The following TET2 variants were observed in gnomAD, a reference collection of about 807,000 sequenced individuals.
TET2 encodes methylcytosine dioxygenase TET2.
A neutral mutation model predicts 142.9 loss-of-function variants in TET2; 299 were observed. That is an observed-to-expected ratio of 2.09 (90% confidence interval 1.90 to 2.30). The LOEUF is 2.30. Among genes scored for constraint, TET2 ranks in the 30% most tolerant of loss-of-function variants. The probability of loss-of-function intolerance (pLI) is 0.00; values close to 1 mark genes in which losing one functional copy is unlikely to be tolerated. For missense variants in TET2, 2,418 were observed against 2,378.0 expected (o/e 1.02, Z -0.35); for synonymous variants, 819 against 849.0 (o/e 0.96, Z 0.61).
intron 2 of TET2, among the ~76,000 whole-genome samples, chr4:105,231,817 C>A (rs1173523415): frequency 2.6e-5 from 4 of 152,012 alleles, no homozygotes; most frequent in African/African-American, 9.7e-5. Context: ...TTTTTTAGTG[C>A]CATTTCTTCT....
In TET2 at chr4:105,278,239, C is replaced by T. The variant is rs1485754003; in HGVS notation, c.*1720C>T. ...CAGAATTCACATCATGATGGTGCTACTCAGCCTGCTACAAATATATCATAA... is the reference window on the plus strand; with the variant it reads ...CAGAATTCACATCATGATGGTGCTATTCAGCCTGCTACAAATATATCATAA... On this transcript the variant is annotated 3_prime_UTR_variant, in exon 11 of 11. Transcript: ENST00000380013. 5.8e-6 allele frequency: 1 copy of T among 171,484 alleles called. No individual in the cohort carries two copies. Among genetic ancestry groups the T allele is most frequent in the African/African-American group, 2.7e-5 (1 of 37,120 alleles). The allele number at this position is 171,484 out of a possible 1,614,324, so 10.6% of individuals were successfully genotyped here.
intron 1 of TET2, among the ~76,000 whole-genome samples, chr4:105,160,336 A>G (rs1464559035): frequency 1.3e-5 from 2 of 152,180 alleles, no homozygotes; most frequent in African/African-American, 4.8e-5. Context: ...GTTGAAATAA[A>G]AAAAAAGGCA....
At chr4:105,199,434 T>G (rs1560745769) in intron 2 of TET2, among the ~76,000 whole-genome samples, 1 of 152,238 alleles carries the variant, frequency 6.6e-6, no homozygotes, top group Non-Finnish European at 1.5e-5. Flanking sequence ...AAATAAATGT[T>G]GGAGATTTTA....
Position 105,230,591 on chromosome 4 carries a change from G to A in TET2, c.-46-3306G>A, listed in dbSNP as rs533116214. On this transcript the variant is annotated intron_variant, in intron 2 of 10. Transcript: ENST00000380013. Reference sequence around the variant, plus strand: ...TTTGCATTTCTTTTTATGAGCAATAGTAGATATCTTCTTAAATACTTAAGA... The same window carrying A: ...TTTGCATTTCTTTTTATGAGCAATAATAGATATCTTCTTAAATACTTAAGA... Among the ~76,000 whole-genome samples the A allele has an allele frequency of 5.3e-5, 8 of 152,270 alleles. No individual in the cohort carries two copies. In the South Asian group the frequency reaches 1.7e-3, roughly 32 times the overall value.
At chr4:105,261,115 G>A (rs747277130) in intron 7 of TET2, among the ~76,000 whole-genome samples, 2 of 151,774 alleles carry the variant, frequency 1.3e-5, no homozygotes, top group African/African-American at 2.4e-5. Flanking sequence ...AGACTTCTAA[G>A]TATAAATGGA....
chr4:105,266,813 G>A lies in TET2; in HGVS notation c.4045-2797G>A, dbSNP rs979163236. ...GAGTACCAGAAGGAGGTGGGAGACA[G>A]AAAAATATTTAAAGAAACAATGGCC... is the stretch of plus-strand genomic sequence containing the variant. On this transcript the variant is annotated intron_variant, in intron 8 of 10. Coordinates refer to ENST00000380013, the MANE Select transcript of TET2 (RefSeq NM_001127208.3). Among the ~76,000 whole-genome samples, 3 of 151,878 alleles carry A rather than the reference G, an allele frequency of 2.0e-5. No homozygotes were observed. In the East Asian group the frequency reaches 5.8e-4, roughly 29 times the overall value.
intron 1 of TET2, among the ~76,000 whole-genome samples, chr4:105,180,267 T>C (rs1725038239): frequency 6.6e-6 from 1 of 152,216 alleles, no homozygotes; most frequent in South Asian, 2.1e-4. Flanking sequence ...GTGGCTTCTT[T>C]TTGCCAAACT....
In TET2 at chr4:105,272,862, C is replaced by A; in HGVS notation, c.4481C>A (p.Ser1494Ter). The A allele has an allele frequency of 6.4e-7, 1 of 1,550,614 alleles. No individual in the cohort carries two copies. The change falls in exon 10 of 11, where the codon TCA becomes TAA. Residue 1494 changes from serine to a stop codon, truncating the protein, a stop_gained. Coordinates refer to ENST00000380013, the MANE Select transcript of TET2 (RefSeq NM_001127208.3). LOFTEE classifies it high-confidence loss of function. ...NSSNKNEKEK[S>*]APSRTKQTEN... ...TCAAATAAAAATGAAAAGGAAAAGTCAGCCCCATCACGTACAAAACAAACT... is the reference window on the plus strand; with the variant it reads ...TCAAATAAAAATGAAAAGGAAAAGTAAGCCCCATCACGTACAAAACAAACT...
intron 1 of TET2, among the ~76,000 whole-genome samples, chr4:105,148,082 A>ACACC (rs1223263241): frequency 2.0e-5 from 3 of 150,538 alleles, no homozygotes; most frequent in Non-Finnish European, 4.4e-5. Context: ...ACACACACAC[A>ACACC]CCTCACTCGC....
intron 1 of TET2, among the ~76,000 whole-genome samples, chr4:105,185,954 T>A (rs1236444670): frequency 6.6e-6 from 1 of 151,772 alleles, no homozygotes; most frequent in Non-Finnish European, 1.5e-5. Context: ...TGGCTGGGCG[T>A]GGTGGCTCAC....
intron 2 of TET2, among the ~76,000 whole-genome samples, chr4:105,214,167 CCATGGTTTCTGGTT>C (rs1276052174): frequency 6.6e-6 from 1 of 151,998 alleles, no homozygotes; most frequent in Non-Finnish European, 1.5e-5. Flanking sequence ...TGGTTTTTGT[CCATGGTTTCTGGTT>C]CATAGCTCCA....
At chr4:105,152,705 C>T (rs1280622325) in intron 1 of TET2, among the ~76,000 whole-genome samples, 1 of 144,196 alleles carries the variant, frequency 6.9e-6, no homozygotes, top group African/African-American at 2.6e-5. Context: ...TCAAGTGATT[C>T]TCTTTCTCAG....
intron 1 of TET2, among the ~76,000 whole-genome samples, chr4:105,172,882 G>C (rs766071867): frequency 6.6e-6 from 1 of 152,128 alleles, no homozygotes; most frequent in Non-Finnish European, 1.5e-5. Flanking sequence ...TATTCTAGTA[G>C]ATGACATATT....
At chr4:105,267,501 CTG>C (rs1479816195) in intron 8 of TET2, among the ~76,000 whole-genome samples, 7 of 146,976 alleles carry the variant, frequency 4.8e-5, no homozygotes, top group Non-Finnish European at 1.0e-4. Flanking sequence ...TGGCTGTAAA[CTG>C]TGAGACGTTA....
At chr4:105,256,184 T>C (rs1396264361) in intron 6 of TET2, among the ~76,000 whole-genome samples, 1 of 152,198 alleles carries the variant, frequency 6.6e-6, no homozygotes, top group Admixed American at 6.5e-5. Flanking sequence ...ATTTCATATT[T>C]ACCTATGTAA....
At chr4:105,241,568 AACACT>A (rs1729299883) in intron 4 of TET2, 139 bp downstream of exon 4, 1 of 1,438,866 alleles carries the variant, frequency 6.9e-7, no homozygotes, top group Admixed American at 3.0e-5. Flanking sequence ...TAGGGTTGCC[AACACT>A]ACACACTGTG....
intron 8 of TET2, among the ~76,000 whole-genome samples, chr4:105,268,331 G>A (rs1386232079): frequency 6.6e-6 from 1 of 151,490 alleles, no homozygotes; most frequent in Non-Finnish European, 1.5e-5. Flanking sequence ...ACATACATTT[G>A]ACAAAAATGT....
At chr4:105,274,985 C>A in intron 10 of TET2, 63 bp from the exon 11 acceptor site, 1 of 1,458,038 alleles carries the variant, frequency 6.9e-7, no homozygotes, top group Non-Finnish European at 9.1e-7. Flanking sequence ...CCTCACTAGC[C>A]TTCATAAAAT....
intron 2 of TET2, among the ~76,000 whole-genome samples, chr4:105,191,564 A>G (rs1332000099): frequency 6.6e-6 from 1 of 152,188 alleles, no homozygotes; most frequent in Non-Finnish European, 1.5e-5. Flanking sequence ...GTTTCACTAA[A>G]TCTTGTTTAT....
Sources: gnomAD v4.1 joint callset for allele counts (sites outside exome capture counted in the v4.1 genomes callset) on GRCh38, gnomAD v4.1.1 for gene constraint, MANE v1.5 for transcripts, NCBI Gene and HGNC (gene_info 2026-07-23, HGNC 2026-07-21) for gene names.